Variants in PCED1A observed in about 807,000 individuals in gnomAD.
PCED1A encodes the protein PC-esterase domain containing 1A, also known as PC-esterase domain-containing protein 1A.
PCED1A carries 20 observed loss-of-function variants against 41.9 expected under a neutral mutation model. The ratio of observed to expected loss-of-function variants is 0.48; its 90% CI spans 0.34 to 0.69. The LOEUF (loss-of-function observed/expected upper bound fraction) is 0.69. Ranked by LOEUF, PCED1A falls within the 30% of genes least tolerant of loss-of-function variation. The pLI is 0.01. For missense variants in PCED1A, 498 were observed against 602.1 expected (o/e 0.83, Z 1.81); for synonymous variants, 236 against 241.3 (o/e 0.98, Z 0.20).
chr20:2,840,600 C>A lies in PCED1A; in HGVS notation c.-411G>T, dbSNP rs1157439396. The A allele has an allele frequency of 2.9e-6, 2 of 688,528 alleles. No individual in the cohort carries two copies. The highest frequency in any genetic ancestry group is 1.8e-5 in the South Asian group (1 of 55,774). 42.7% of individuals were successfully genotyped at this position (688,528 alleles called of 1,614,324 possible). ...CTGGGCCCACTTGGCGGGCGCGAAGCCCAGGTACGGGCTGGGGTCTCGGGG... is the reference window on the plus strand; with the variant it reads ...CTGGGCCCACTTGGCGGGCGCGAAGACCAGGTACGGGCTGGGGTCTCGGGG... On this transcript the variant is annotated 5_prime_UTR_variant, in exon 1 of 8. Transcript: ENST00000360652.
intron 1 of PCED1A, 91 bp from the exon 2 acceptor site, chr20:2,840,024 A>G (rs2088926350): frequency 1.5e-6 from 2 of 1,322,962 alleles, no homozygotes; most frequent in Non-Finnish European, 2.0e-6. Context: ...TCAATGCTAA[A>G]GGGAGGAGGT....
At position 2,838,746 on chromosome 20, in the gene PCED1A, T is replaced by C; in HGVS notation, c.444A>G (p.Arg148=). Residue 148 remains arginine (R), a splice_region_variant and synonymous_variant, in exon 5 of 8, where the codon AGA becomes AGG. Transcript: ENST00000360652. This position sits in a 1 kb window ranked among gnomAD's most constrained non-coding sequence, Gnocchi z 5.8. ...AGCTCTCCATTGAGCAGCGACCATATCTGTTGGATAACACACAGGGTGGGC... is the reference window on the plus strand; with the variant it reads ...AGCTCTCCATTGAGCAGCGACCATACCTGTTGGATAACACACAGGGTGGGC... ...IINSCLWDLS[R]YGRCSMESYR... The C allele has an allele frequency of 6.2e-7, 1 of 1,614,164 alleles. No homozygotes were observed. The highest frequency in any genetic ancestry group is 8.5e-7 in the Non-Finnish European group (1 of 1,180,036).
At chr20:2,836,016 G>T in intron 7 of PCED1A, 23 bp downstream of exon 7, 1 of 1,469,390 alleles carries the variant, frequency 6.8e-7, no homozygotes. Context: ...ACAAGAGGGT[G>T]GGGGAGCTGC....
rs1568616802 is a variant in PCED1A at position 2,838,781 on chromosome 20, A to C, written c.444-35T>G. 6.2e-7 allele frequency: 1 copy of C among 1,614,164 alleles called. No individual in the cohort carries two copies. The highest frequency in any genetic ancestry group is 2.2e-5 in the East Asian group (1 of 44,868). On this transcript the variant is annotated intron_variant, in intron 4 of 7. Transcript: ENST00000360652. The surrounding 1 kb of genome is among the most constrained non-coding windows in gnomAD (Gnocchi z 5.8). ...AACACACAGGGTGGGCAAGAGCACA[A>C]GGGTGGACTGCCTCAGCCGTACTTC...
intron 1 of PCED1A, 48 bp from the exon 2 acceptor site, chr20:2,839,981 G>C: frequency 3.9e-6 from 6 of 1,544,618 alleles, no homozygotes; most frequent in Non-Finnish European, 5.2e-6. Flanking sequence ...ACTCTGGGCA[G>C]GTCAGCCTCA....
At chr20:2,840,656 G>C (rs546483375), upstream of PCED1A, 1 of 1,154,540 alleles carries the variant, frequency 8.7e-7, no homozygotes, top group East Asian at 2.6e-5. Flanking sequence ...CCACAGTGGT[G>C]ATGGCCGCGG....
rs1292581800 is a variant in PCED1A at position 2,838,717 on chromosome 20, C to T, written c.473G>A (p.Arg158Gln). Residue 158 changes from arginine to glutamine, a missense_variant, in exon 5 of 8, where the codon CGG (arginine) becomes CAG (glutamine). Transcript: ENST00000360652. This position sits in a 1 kb window ranked among gnomAD's most constrained non-coding sequence, Gnocchi z 5.8. ...RYGRCSMESY[R>Q]ENLERVFVRM... ...CACAAACACCCGCTCCAGGTTCTCC[C>T]GGTAGCTCTCCATTGAGCAGCGACC... is the stretch of plus-strand genomic sequence containing the variant. 1.1e-5 allele frequency: 18 copies of T among 1,614,076 alleles called. No individual in the cohort carries two copies. Among genetic ancestry groups the T allele is most frequent in the Admixed American group, 6.7e-5 (4 of 59,998 alleles).
intron 2 of PCED1A, 111 bp from the exon 3 acceptor site, chr20:2,839,382 G>A: frequency 1.0e-6 from 1 of 980,796 alleles, no homozygotes; most frequent in Non-Finnish European, 1.5e-6. Context: ...CCAGCTCTGT[G>A]GTTGACTTAG....
chr20:2,836,103 G>T lies in PCED1A; in HGVS notation c.1053C>A (p.Pro351=). The T allele has an allele frequency of 6.4e-7, 1 of 1,558,214 alleles. No homozygotes were observed. The highest frequency in any genetic ancestry group is 8.7e-7 in the Non-Finnish European group (1 of 1,153,300). Residue 351 remains proline (P), a synonymous_variant, in exon 7 of 8, where the codon CCC becomes CCA. Transcript: ENST00000360652. ...PQDTPFFPGQ[P]FPPHEFFNYN... ...AGTTGAAGAATTCATGGGGTGGGAA[G>T]GGCTGGCCTGGGAAAAAAGGGGTAT...
intron 7 of PCED1A, 139 bp from the exon 8 acceptor site, chr20:2,835,848 A>G: frequency 6.8e-7 from 1 of 1,460,088 alleles, no homozygotes; most frequent in South Asian, 1.5e-5. Flanking sequence ...CCCTACCTTC[A>G]GACGGTGAAA....
intron 6 of PCED1A, among the ~76,000 whole-genome samples, chr20:2,837,952 C>G (rs1288492677): frequency 6.6e-6 from 1 of 152,202 alleles, no homozygotes; most frequent in Non-Finnish European, 1.5e-5. Flanking sequence ...TGGGTAGGAC[C>G]CTTGCAACAT....
upstream of PCED1A, chr20:2,841,119 C>A: frequency 2.1e-6 from 1 of 483,050 alleles, no homozygotes; most frequent in Non-Finnish European, 3.7e-6. Context: ...CGGGTGACAG[C>A]GAGTGCCCAG....
Position 2,838,964 on chromosome 20 carries a change from A to C in PCED1A, c.323T>G (p.Val108Gly). 6.2e-7 allele frequency: 1 copy of C among 1,614,096 alleles called. No individual in the cohort carries two copies. The highest frequency in any genetic ancestry group is 8.5e-7 in the Non-Finnish European group (1 of 1,180,038). Residue 108 changes from valine (V) to glycine (G), a missense_variant, in exon 4 of 8, where the codon GTG (valine) becomes GGG (glycine). By Grantham distance (109) the Val-to-Gly change is moderately radical. Around this residue, in one of 2 missense-constraint regions of PCED1A, gnomAD observed 253 missense variants for 369.7 expected, o/e 0.68. Coordinates refer to ENST00000360652, the MANE Select transcript of PCED1A (RefSeq NM_022760.6). This position sits in a 1 kb window ranked among gnomAD's most constrained non-coding sequence, Gnocchi z 5.8. ...QFCSGSGHHL[V>G]RFYFLTRVYS... ...AACACGAGTGAGGAAGTAGAAGCGC[A>C]CAAGGTGGTGGCCAGAGCCCGAGCA...
At chr20:2,835,913 G>A (rs1353754647) in intron 7 of PCED1A, 126 bp downstream of exon 7, 1 of 1,442,412 alleles carries the variant, frequency 6.9e-7, no homozygotes, top group East Asian at 2.5e-5. Context: ...TCAGACTCAG[G>A]GACTGCTGTG....
upstream of PCED1A, chr20:2,840,702 C>CGGAAGT (rs2088954669): frequency 6.0e-6 from 9 of 1,493,352 alleles, no homozygotes; most frequent in Admixed American, 1.6e-4. Context: ...CGGGCGGAAG[C>CGGAAGT]GGAAGTGCCG....
intron 2 of PCED1A, 111 bp downstream of exon 2, chr20:2,839,678 G>A (rs1319547725): frequency 2.0e-6 from 3 of 1,486,654 alleles, no homozygotes; most frequent in Non-Finnish European, 2.7e-6. Context: ...CTACTGGACG[G>A]AACAGACCAG....
rs887088256 is a variant in PCED1A, at chr20:2,836,025, G to T, written c.1117+14C>A. ...GGAGGTACAAGAGGGTGGGGGAGCT[G>T]CAGAAGCACCTACCTAAGTGGGGTG... On this transcript the variant is annotated intron_variant, in intron 7 of 7. Transcript: ENST00000360652. 6.8e-7 allele frequency: 1 copy of T among 1,470,554 alleles called. No homozygotes were observed. Among genetic ancestry groups the T allele is most frequent in the Non-Finnish European group, 9.0e-7 (1 of 1,109,050 alleles). 91.1% of individuals were successfully genotyped at this position (1,470,554 alleles called of 1,614,324 possible). A position where few individuals can be genotyped will look rare whatever the true frequency, so the allele number is the denominator to read the frequency against.
Position 2,835,648 on chromosome 20 carries a change from A to T in PCED1A, c.1179T>A (p.Asn393Lys). Residue 393 changes from asparagine to lysine, a missense_variant, in exon 8 of 8, where the codon AAT (asparagine) becomes AAA (lysine). Physicochemically the swap from Asn to Lys is moderately conservative, Grantham distance 94. Transcript: ENST00000360652. ...GPLPPPIPGPNPHGQHWGPVV... is the reference protein window; with the variant it reads ...GPLPPPIPGPKPHGQHWGPVV... Reference sequence around the variant, plus strand: ...CTGGGCCCCAGTGCTGACCATGGGGATTAGGGCCAGGGATTGGAGGTGGCA... The same window carrying T: ...CTGGGCCCCAGTGCTGACCATGGGGTTTAGGGCCAGGGATTGGAGGTGGCA... 1 of 1,601,384 alleles carries T rather than the reference A, an allele frequency of 6.2e-7. No individual in the cohort carries two copies.
In PCED1A at chr20:2,838,635, G is replaced by A; in HGVS notation, c.555C>T (p.Pro185=). 6.2e-7 allele frequency: 1 copy of A among 1,614,186 alleles called. No individual in the cohort carries two copies. Among genetic ancestry groups the A allele is most frequent in the East Asian group, 2.2e-5 (1 of 44,876 alleles). ...AACCCCCAGTGATACGTTCCCCGAG[G>A]GGCATCGCCATGTTCCACACCAGCA... ...SCLLVWNMAM[P]LGERITGGFL... The change falls in exon 5 of 8, where the codon CCC becomes CCT. Residue 185 remains proline (P), a synonymous_variant. Coordinates refer to ENST00000360652, the MANE Select transcript of PCED1A (RefSeq NM_022760.6). The surrounding 1 kb of genome is among the most constrained non-coding windows in gnomAD (Gnocchi z 5.8).
Sources: gnomAD v4.1 joint callset for allele counts (sites outside exome capture counted in the v4.1 genomes callset) on GRCh38, gnomAD v4.1.1 for gene constraint, gnomAD v4.1.1 regional missense constraint, Gnocchi (gnomAD v3.1) non-coding constraint, MANE v1.5 for transcripts, NCBI Gene and HGNC (gene_info 2026-07-23, HGNC 2026-07-21) for gene names.